Variants in MAP6 observed in about 807,000 individuals in gnomAD.
MAP6 encodes microtubule-associated protein 6.
MAP6 carries 26 observed loss-of-function variants against 42.4 expected under a neutral mutation model. The observed-to-expected ratio is 0.61, with a 90% confidence interval of 0.45 to 0.85. The LOEUF (loss-of-function observed/expected upper bound fraction) is 0.85. Among genes scored for constraint, MAP6 ranks in the 40% least tolerant of loss-of-function variants. The pLI is 0.00. For synonymous variants in MAP6, 418 were observed against 443.8 expected (o/e 0.94, Z 0.73); for missense variants, 966 against 1,099.0 (o/e 0.88, Z 1.71).
intron 1 of MAP6, chr11:75,643,033 T>C: frequency 3.8e-6 from 1 of 261,638 alleles, no homozygotes; most frequent in South Asian, 4.7e-5. Context: ...ATAGTCTATT[T>C]TGTGATACTA....
chr11:75,592,164 G>A (rs1942488658), intron 3 of MAP6, among the ~76,000 whole-genome samples: 1 of 152,138 alleles, frequency 6.6e-6, no homozygotes, highest in Non-Finnish European at 1.5e-5. Flanking sequence ...GCTCCGCTCA[G>A]CTCCCACCTC....
intron 3 of MAP6, among the ~76,000 whole-genome samples, chr11:75,590,988 A>G (rs1425975948): frequency 6.6e-6 from 1 of 152,122 alleles, no homozygotes; most frequent in Non-Finnish European, 1.5e-5. Flanking sequence ...AAAAGAAAAA[A>G]GTTTAGGAAA....
intron 1 of MAP6, among the ~76,000 whole-genome samples, chr11:75,653,513 A>G (rs1296486310): frequency 6.6e-6 from 1 of 152,258 alleles, no homozygotes; most frequent in Non-Finnish European, 1.5e-5. Flanking sequence ...TTTGGCAAAA[A>G]TTAGATAACA....
At chr11:75,656,929 C>T (rs1349114601) in intron 1 of MAP6, among the ~76,000 whole-genome samples, 2 of 152,186 alleles carry the variant, frequency 1.3e-5, no homozygotes, top group Non-Finnish European at 2.9e-5. Flanking sequence ...TTCTCCTGTG[C>T]TCCTTCTCAG....
At chr11:75,610,823 C>T (rs1161680267) in intron 1 of MAP6, among the ~76,000 whole-genome samples, 1 of 152,016 alleles carries the variant, frequency 6.6e-6, no homozygotes, top group East Asian at 1.9e-4. Context: ...AAGGGGGCAT[C>T]TGGGGAGACT....
At position 75,587,944 on chromosome 11, in the gene MAP6, G is replaced by A; in HGVS notation, c.1557C>T (p.Ser519=). The change falls in exon 4 of 4, where the codon AGC becomes AGT. Residue 519 remains serine, a synonymous_variant. Coordinates refer to ENST00000304771, the MANE Select transcript of MAP6 (RefSeq NM_033063.2). ...CCTTGACTGGTGCTGAGATAACAGG[G>A]CTTTCATTCTTTAAAGGCTCAGGGA... ...HTVPEPLKNE[S]PVISAPVKDQ... 1 of 1,614,034 alleles carries A rather than the reference G, an allele frequency of 6.2e-7. No homozygotes were observed. The highest frequency in any genetic ancestry group is 8.5e-7 in the Non-Finnish European group (1 of 1,180,002).
At chr11:75,659,684 G>C (rs144070043) in intron 1 of MAP6, among the ~76,000 whole-genome samples, 5 of 152,316 alleles carry the variant, frequency 3.3e-5, no homozygotes, top group African/African-American at 1.2e-4. Context: ...TCTTCATTCA[G>C]CAGAGAATGA....
intron 1 of MAP6, among the ~76,000 whole-genome samples, chr11:75,634,020 G>A (rs1943329094): frequency 6.6e-6 from 1 of 152,210 alleles, no homozygotes; most frequent in Admixed American, 6.5e-5. Context: ...GGAAGAAGCA[G>A]AGAGACCTGT....
At chr11:75,661,213 A>T (rs1943838780) in intron 1 of MAP6, among the ~76,000 whole-genome samples, 1 of 152,002 alleles carries the variant, frequency 6.6e-6, no homozygotes, top group African/African-American at 2.4e-5. Context: ...TTGACAGTTT[A>T]AAAAAAATCC....
At chr11:75,656,392 CTAAGA>C (rs1943749958) in intron 1 of MAP6, among the ~76,000 whole-genome samples, 1 of 152,122 alleles carries the variant, frequency 6.6e-6, no homozygotes, top group South Asian at 2.1e-4. Context: ...GTGGACTATG[CTAAGA>C]TAAGGGAAGG....
chr11:75,632,213 C>T (rs889991382), intron 1 of MAP6, among the ~76,000 whole-genome samples: 12 of 152,118 alleles, frequency 7.9e-5, no homozygotes, highest in African/African-American at 2.4e-4. Context: ...GGTGCCTTAC[C>T]GAAGGTCACC....
intron 1 of MAP6, among the ~76,000 whole-genome samples, chr11:75,646,499 TA>T (rs763735730): frequency 0.012 from 769 of 66,680 alleles, 2 homozygotes; most frequent in African/African-American, 0.024. Flanking sequence ...CCATCTCTAT[TA>T]AAAAAAAAAA....
At chr11:75,604,209 G>A (rs1270773682) in intron 3 of MAP6, 1 of 985,838 alleles carries the variant, frequency 1.0e-6, no homozygotes, top group Non-Finnish European at 1.2e-6. Flanking sequence ...AATAATTATG[G>A]CTCATGTAGC....
intron 3 of MAP6, among the ~76,000 whole-genome samples, chr11:75,588,447 G>A (rs1178299167): frequency 3.3e-5 from 5 of 152,160 alleles, no homozygotes; most frequent in Admixed American, 6.5e-5. Flanking sequence ...GGGGTGGCAC[G>A]CTGGTGACAA....
At chr11:75,609,242 G>A (rs190680820) in intron 1 of MAP6, among the ~76,000 whole-genome samples, 2 of 152,278 alleles carry the variant, frequency 1.3e-5, no homozygotes, top group African/African-American at 2.4e-5. Flanking sequence ...AGGCCACGAG[G>A]GTCTATTCTG....
At position 75,605,269 on chromosome 11, in the gene MAP6, T is replaced by C. The variant is rs562012130; in HGVS notation, c.1316+539A>G. The C allele has an allele frequency of 6.1e-6, 6 of 985,944 alleles. No homozygotes were observed. The East Asian group carries it at 4.5e-4, about 74-fold the overall frequency. 61.1% of individuals were successfully genotyped at this position (985,944 alleles called of 1,614,324 possible). A position where few individuals can be genotyped will look rare whatever the true frequency, so the allele number is the denominator to read the frequency against. ...ACTTAACAGACACAACTCCCTTTTA[T>C]TGACATTAAGGCCAAGGTTGTTTCT... On this transcript the variant is annotated intron_variant, in intron 3 of 3. Transcript: ENST00000304771.
intron 2 of MAP6, among the ~76,000 whole-genome samples, 175 bp downstream of exon 2, chr11:75,607,934 A>G (rs1047782274): frequency 6.6e-6 from 1 of 152,192 alleles, no homozygotes; most frequent in Non-Finnish European, 1.5e-5. Context: ...TTTGAGTTTA[A>G]CAAAGGTTCC....
chr11:75,587,884 A>T lies in MAP6; in HGVS notation c.1617T>A (p.Asn539Lys). The change falls in exon 4 of 4, where the codon AAT (asparagine) becomes AAA (lysine). Residue 539 changes from asparagine (N) to lysine (K), a missense_variant. Physicochemically the swap from Asn to Lys is moderately conservative, Grantham distance 94 (BLOSUM62 0). Coordinates refer to ENST00000304771, the MANE Select transcript of MAP6 (RefSeq NM_033063.2). ...QGPSVPVPPK[N>K]QSPMVPAKVK... Reference sequence around the variant, plus strand: ...CTTTTGCTGGAACCATAGGACTTTGATTCTTTGGAGGAACTGGGACCGAGG... The same window carrying T: ...CTTTTGCTGGAACCATAGGACTTTGTTTCTTTGGAGGAACTGGGACCGAGG... 5 of 1,614,116 alleles carry T rather than the reference A, an allele frequency of 3.1e-6. No individual in the cohort carries two copies. Among genetic ancestry groups the T allele is most frequent in the Non-Finnish European group, 4.2e-6 (5 of 1,180,014 alleles).
intron 1 of MAP6, among the ~76,000 whole-genome samples, chr11:75,635,009 G>T (rs531903015): frequency 6.6e-6 from 1 of 152,312 alleles, no homozygotes; most frequent in East Asian, 1.9e-4. Context: ...CCAGGATTTT[G>T]GTTGTTCTGT....
Sources: gnomAD v4.1 joint callset for allele counts (sites outside exome capture counted in the v4.1 genomes callset) on GRCh38, gnomAD v4.1.1 for gene constraint, MANE v1.5 for transcripts, NCBI Gene and HGNC (gene_info 2026-07-23, HGNC 2026-07-21) for gene names.